Variants in METTL15 observed in about 807,000 individuals in gnomAD.
The protein encoded by METTL15 is 12S rRNA N(4)-cytidine methyltransferase METTL15.
Under a neutral mutation model 38.3 loss-of-function variants are expected in METTL15, and 34 were observed. The ratio of observed to expected loss-of-function variants is 0.89; its 90% confidence interval spans 0.68 to 1.18. METTL15 has a LOEUF of 1.18. Ranked by LOEUF, METTL15 falls within the 50% of genes most tolerant of loss-of-function variation. The pLI is 0.00. For missense variants in METTL15, 438 were observed against 498.4 expected (o/e 0.88, Z 1.15); for synonymous variants, 162 against 170.9 (o/e 0.95, Z 0.41).
chr11:28,138,956 A>T (rs1013049112), intron 3 of METTL15, among the ~76,000 whole-genome samples: 1 of 152,196 alleles, frequency 6.6e-6, no homozygotes, highest in Non-Finnish European at 1.5e-5. Flanking sequence ...GACTAGCCTC[A>T]CAAATCCTTT....
chr11:28,233,577 TTCC>T (rs1177795242), intron 4 of METTL15, among the ~76,000 whole-genome samples: 1 of 152,060 alleles, frequency 6.6e-6, no homozygotes, highest in Non-Finnish European at 1.5e-5. Context: ...TCACCTCATC[TTCC>T]TTATGGTGAG....
chr11:28,189,076 G>A (rs927090268), intron 3 of METTL15, among the ~76,000 whole-genome samples: 4 of 151,160 alleles, frequency 2.6e-5, no homozygotes, highest in Non-Finnish European at 5.9e-5. Context: ...TTGGAATAAA[G>A]CAAAAACATA....
At chr11:28,447,530 A>C (rs1851085272) in intron 6 of METTL15, among the ~76,000 whole-genome samples, 1 of 151,682 alleles carries the variant, frequency 6.6e-6, no homozygotes, top group African/African-American at 2.4e-5. Flanking sequence ...TTTTTTTCCC[A>C]CAGTTTAGTG....
At chr11:28,161,281 C>G (rs905601538) in intron 3 of METTL15, among the ~76,000 whole-genome samples, 3 of 151,862 alleles carry the variant, frequency 2.0e-5, no homozygotes, top group Admixed American at 2.0e-4. Flanking sequence ...GGCCACCACC[C>G]CAGCTAATTT....
At chr11:28,391,550 C>T (rs935997741) in intron 5 of METTL15, among the ~76,000 whole-genome samples, 5 of 152,116 alleles carry the variant, frequency 3.3e-5, no homozygotes, top group African/African-American at 7.2e-5. Context: ...CATCACGCTA[C>T]CTGACTTCAA....
chr11:28,343,440 C>T (rs1194959430), intron 3 of METTL15, among the ~76,000 whole-genome samples: 1 of 152,122 alleles, frequency 6.6e-6, no homozygotes, highest in East Asian at 1.9e-4. Context: ...CCCAGATCTA[C>T]GACTGCTTAT....
chr11:28,134,463 C>T, intron 3 of METTL15: 1 of 398,098 alleles, frequency 2.5e-6, no homozygotes, highest in Non-Finnish European at 4.4e-6. Flanking sequence ...CTGCACAAAA[C>T]ATGGGTTGGA....
At chr11:28,442,574 T>C (rs1249866340) in intron 6 of METTL15, among the ~76,000 whole-genome samples, 3 of 152,210 alleles carry the variant, frequency 2.0e-5, no homozygotes, top group Non-Finnish European at 4.4e-5. Flanking sequence ...CAATGCTGAT[T>C]TCAGTGTTAT....
intron 4 of METTL15, among the ~76,000 whole-genome samples, chr11:28,226,630 G>A (rs1276926236): frequency 6.6e-6 from 1 of 151,826 alleles, no homozygotes; most frequent in Non-Finnish European, 1.5e-5. Flanking sequence ...CGAACTCATA[G>A]CGTCAGGTTT....
chr11:28,521,526 G>A (rs1004727851), intron 6 of METTL15, among the ~76,000 whole-genome samples: 2 of 152,180 alleles, frequency 1.3e-5, no homozygotes, highest in Non-Finnish European at 2.9e-5. Flanking sequence ...CTGGGGCAGT[G>A]CCAGAGGCTT....
At chr11:28,486,778 A>G (rs933549613) in intron 6 of METTL15, among the ~76,000 whole-genome samples, 6 of 152,292 alleles carry the variant, frequency 3.9e-5, no homozygotes, top group Admixed American at 1.3e-4. Context: ...GTAGCTGATA[A>G]CTTAACTTCT....
chr11:28,115,710 GTCT>G (rs1851913851), intron 3 of METTL15, among the ~76,000 whole-genome samples: 1 of 152,056 alleles, frequency 6.6e-6, no homozygotes, highest in Non-Finnish European at 1.5e-5. Context: ...CTTCATCCTT[GTCT>G]TCTTGTTAAG....
chr11:28,523,859 T>G (rs1851787163), intron 6 of METTL15, among the ~76,000 whole-genome samples: 1 of 152,228 alleles, frequency 6.6e-6, no homozygotes, highest in Non-Finnish European at 1.5e-5. Flanking sequence ...ATGGGTGATT[T>G]TGTATCCCAG....
intron 6 of METTL15, among the ~76,000 whole-genome samples, chr11:28,433,584 A>G (rs1306229027): frequency 6.6e-6 from 1 of 152,160 alleles, no homozygotes; most frequent in Non-Finnish European, 1.5e-5. Context: ...TCACTGCCTG[A>G]CATGTAATAA....
Position 28,184,587 on chromosome 11 carries a change from T to A in METTL15, c.271-26475T>A, listed in dbSNP as rs375683952. Reference sequence around the variant, plus strand: ...GTGCAGTTTTGAGTGAGTTTCTTATTTCTGAAGGATAACACGTTTAAATAC... The same window carrying A: ...GTGCAGTTTTGAGTGAGTTTCTTATATCTGAAGGATAACACGTTTAAATAC... On this transcript the variant is annotated intron_variant, in intron 3 of 6. Transcript: ENST00000407364. Among the ~76,000 whole-genome samples, 15 of 151,944 alleles carry A rather than the reference T, an allele frequency of 9.9e-5. No individual in the cohort carries two copies. The East Asian group carries it at 1.5e-3, about 16-fold the overall frequency.
At chr11:28,472,993 A>T (rs1050868332) in intron 6 of METTL15, among the ~76,000 whole-genome samples, 1 of 152,134 alleles carries the variant, frequency 6.6e-6, no homozygotes, top group South Asian at 2.1e-4. Context: ...CTGGTACTTC[A>T]TAGGTTCTTA....
intron 3 of METTL15, among the ~76,000 whole-genome samples, chr11:28,204,608 G>T (rs1852246015): frequency 6.6e-6 from 1 of 151,798 alleles, no homozygotes; most frequent in African/African-American, 2.4e-5. Context: ...GTATGTGAAA[G>T]AACCCAGGTT....
intron 4 of METTL15, among the ~76,000 whole-genome samples, chr11:28,277,154 T>C (rs1272040861): frequency 6.6e-6 from 1 of 152,084 alleles, no homozygotes; most frequent in Non-Finnish European, 1.5e-5. Context: ...TATTCAGCCA[T>C]TATGGAAAAC....
At chr11:28,458,119 T>G (rs1287416253) in intron 6 of METTL15, among the ~76,000 whole-genome samples, 1 of 152,198 alleles carries the variant, frequency 6.6e-6, no homozygotes, top group Non-Finnish European at 1.5e-5. Flanking sequence ...ACCTCTCCAG[T>G]CTGATATTCT....
Sources: allele counts gnomAD v4.1 joint callset (sites outside exome capture counted in the v4.1 genomes callset), GRCh38; gene constraint gnomAD v4.1.1; transcripts MANE v1.5; gene names NCBI Gene and HGNC (gene_info 2026-07-23, HGNC 2026-07-21).